Variants in TRIM38 observed in about 807,000 individuals in gnomAD.
The protein encoded by TRIM38 is tripartite motif containing 38, also known as E3 ubiquitin-protein ligase TRIM38.
TRIM38 carries 35 observed loss-of-function variants against 35.8 expected under a neutral mutation model. The ratio of observed to expected loss-of-function variants is 0.98; its 90% CI spans 0.75 to 1.30. The LOEUF is 1.30. Among genes scored for constraint, TRIM38 ranks in the 50% most tolerant of loss-of-function variants. The probability of loss-of-function intolerance (pLI) is 0.00; values close to 1 mark genes in which losing one functional copy is unlikely to be tolerated. For missense variants in TRIM38, 545 were observed against 556.9 expected, an observed-to-expected ratio of 0.98 and a Z score of 0.21; for synonymous variants, 198 against 204.7, an observed-to-expected ratio of 0.97 and a Z score of 0.28.
chr6:25,983,155 G>GTTTTT lies in TRIM38; in HGVS notation c.875-5_875-4insTTTTT. On this transcript the variant is annotated splice_polypyrimidine_tract_variant and intron_variant, in intron 7 of 7. Coordinates refer to ENST00000357085, the MANE Select transcript of TRIM38 (RefSeq NM_006355.5). ...AAATTATTTTTGTTTGTTTTGTTTT[G>GTTTTT]TTTTGCAGTTAGTGTGACTCTGGAT... 5.2e-6 allele frequency: 8 copies of GTTTTT among 1,551,938 alleles called. No individual in the cohort carries two copies. Among genetic ancestry groups the GTTTTT allele is most frequent in the Non-Finnish European group, 7.0e-6 (8 of 1,150,928 alleles).
chr6:25,980,566 A>T (rs990823978), intron 7 of TRIM38, among the ~76,000 whole-genome samples: 5 of 152,088 alleles, frequency 3.3e-5, no homozygotes, highest in African/African-American at 9.7e-5. Flanking sequence ...GATTACAGGC[A>T]TGTGCCACAA....
At chr6:25,972,194 T>C (rs944221659) in intron 5 of TRIM38, 95 bp downstream of exon 5, 39 of 1,138,622 alleles carry the variant, frequency 3.4e-5, no homozygotes, top group Non-Finnish European at 3.5e-5. Flanking sequence ...GTAATGTTTC[T>C]TTTAGATGTA....
intron 2 of TRIM38, among the ~76,000 whole-genome samples, chr6:25,964,298 T>C (rs1759950157): frequency 6.6e-6 from 1 of 152,220 alleles, no homozygotes; most frequent in South Asian, 2.1e-4. Context: ...TAAATATGTA[T>C]GTATAACGTT....
intron 7 of TRIM38, chr6:25,973,876 T>C: frequency 8.1e-6 from 8 of 985,338 alleles, no homozygotes; most frequent in Non-Finnish European, 8.4e-6. Flanking sequence ...ATTTTTTAAA[T>C]CAGTGCTGAC....
Position 25,983,949 on chromosome 6 carries a change from T to A in TRIM38, c.*262T>A, listed in dbSNP as rs1049203676. 1 of 346,970 alleles carries A rather than the reference T, an allele frequency of 2.9e-6. No individual in the cohort carries two copies. The highest frequency in any genetic ancestry group is 2.1e-5 in the African/African-American group (1 of 47,196). 21.5% of individuals were successfully genotyped at this position (346,970 alleles called of 1,614,324 possible). On this transcript the variant is annotated 3_prime_UTR_variant, in exon 8 of 8. Transcript: ENST00000357085. Reference sequence around the variant, plus strand: ...GCTGTCTCCATCCGTCTTTAATGGGTCAGGGCTTTGATTTCCAAGGGTCTT... The same window carrying A: ...GCTGTCTCCATCCGTCTTTAATGGGACAGGGCTTTGATTTCCAAGGGTCTT...
intron 7 of TRIM38, among the ~76,000 whole-genome samples, chr6:25,982,396 CTTTG>C (rs1760569571): frequency 6.6e-6 from 1 of 152,236 alleles, no homozygotes; most frequent in African/African-American, 2.4e-5. Context: ...CCACCTGCTT[CTTTG>C]TTTGATCACC....
intron 7 of TRIM38, chr6:25,975,026 T>C (rs1760348867): frequency 1.0e-6 from 1 of 979,900 alleles, no homozygotes; most frequent in Non-Finnish European, 1.2e-6. Context: ...TTTCTTTCTT[T>C]CTTTCTTTCT....
rs1039283700 is a variant in TRIM38 at position 25,991,022 on chromosome 6, C to T, written c.*7335C>T. The T allele has an allele frequency of 2.0e-5, 3 of 152,186 alleles. No homozygotes were observed. Among genetic ancestry groups the T allele is most frequent in the Non-Finnish European group, 4.4e-5 (3 of 68,064 alleles). The allele number at this position is 152,186 out of a possible 1,614,324, so 9.4% of individuals were successfully genotyped here. A position where few individuals can be genotyped will look rare whatever the true frequency, so the allele number is the denominator to read the frequency against. On this transcript the variant is annotated 3_prime_UTR_variant, in exon 8 of 8. Coordinates refer to ENST00000357085, the MANE Select transcript of TRIM38 (RefSeq NM_006355.5). Reference sequence around the variant, plus strand: ...TGTCATATTCCGGGCATCGGGTGTCCCCATCCTCACTTCAGTCCACAGGCA... The same window carrying T: ...TGTCATATTCCGGGCATCGGGTGTCTCCATCCTCACTTCAGTCCACAGGCA...
chr6:25,980,176 GCTT>G (rs1482382346), intron 7 of TRIM38, among the ~76,000 whole-genome samples: 1 of 152,060 alleles, frequency 6.6e-6, no homozygotes, highest in Non-Finnish European at 1.5e-5. Flanking sequence ...ATGAGATTGC[GCTT>G]CTTAGATTGT....
In TRIM38 at chr6:25,966,394, C is replaced by G; in HGVS notation, c.-129C>G. The G allele has an allele frequency of 1.1e-6, 1 of 941,628 alleles. No individual in the cohort carries two copies. Among genetic ancestry groups the G allele is most frequent in the South Asian group, 1.9e-5 (1 of 51,396 alleles). 58.3% of individuals were successfully genotyped at this position (941,628 alleles called of 1,614,324 possible). A position where few individuals can be genotyped will look rare whatever the true frequency, so the allele number is the denominator to read the frequency against. On this transcript the variant is annotated 5_prime_UTR_variant, in exon 3 of 8. Transcript: ENST00000357085. The stretch of plus-strand genomic sequence containing the variant: ...GGGTTGGAAGGAAAACCTTCAAGAC[C>G]TATGGAAGTCAGTTGCAGCCAGCTC...
chr6:25,963,494 C>G (rs1032628694), intron 2 of TRIM38, among the ~76,000 whole-genome samples: 8 of 152,044 alleles, frequency 5.3e-5, no homozygotes, highest in Non-Finnish European at 7.4e-5. Context: ...CTGGCCTCCC[C>G]CATCTTCTTT....
intron 4 of TRIM38, 60 bp downstream of exon 4, chr6:25,969,480 G>T: frequency 7.4e-7 from 1 of 1,357,018 alleles, no homozygotes; most frequent in South Asian, 1.4e-5. Context: ...AGGCATAGGG[G>T]ATGATTGAGG....
intron 7 of TRIM38, among the ~76,000 whole-genome samples, chr6:25,976,436 T>C (rs551135005): frequency 6.6e-6 from 1 of 152,258 alleles, no homozygotes; most frequent in African/African-American, 2.4e-5. Context: ...TCTGGCTAAT[T>C]TTTTAAAAAT....
At chr6:25,965,013 A>T (rs1759976829) in intron 2 of TRIM38, among the ~76,000 whole-genome samples, 1 of 152,082 alleles carries the variant, frequency 6.6e-6, no homozygotes, top group African/African-American at 2.4e-5. Flanking sequence ...AGGTTTTGCC[A>T]TGTTGGTCAG....
intron 7 of TRIM38, 24 bp from the exon 8 acceptor site, chr6:25,983,140 T>TGTTTG: frequency 2.0e-6 from 3 of 1,533,680 alleles, no homozygotes; most frequent in Non-Finnish European, 2.6e-6. Context: ...AAATTATTTT[T>TGTTTG]GTTTGTTTTG....
intron 4 of TRIM38, among the ~76,000 whole-genome samples, chr6:25,970,817 CAT>C (rs1760207603): frequency 1.3e-5 from 2 of 152,038 alleles, no homozygotes; most frequent in Admixed American, 6.6e-5. Context: ...AATCCAAGAA[CAT>C]AGATTCAAAT....
Position 25,986,818 on chromosome 6 carries a change from A to G in TRIM38, c.*3131A>G, listed in dbSNP as rs1760722069. ...CAGCCACCCCTCAATTACCCCTGGG[A>G]TCCAAGAGAGCCACTAAAGTTCCAG... On this transcript the variant is annotated 3_prime_UTR_variant, in exon 8 of 8. Transcript: ENST00000357085. 6.6e-6 allele frequency: 1 copy of G among 151,914 alleles called. No homozygotes were observed. Among genetic ancestry groups the G allele is most frequent in the East Asian group, 1.9e-4 (1 of 5,188 alleles). The allele number at this position is 151,914 out of a possible 1,614,324, so 9.4% of individuals were successfully genotyped here.
Position 25,969,375 on chromosome 6 carries a change from T to C in TRIM38, c.462T>C (p.Cys154=). ...VTKLKQLEDR[C]TEQKLSTAMR... is the part of the protein sequence containing the mutation. ...AACTGAAGCAACTTGAAGACAGATG[T>C]ACGGAGCAGAAGCTGTCCACAGCAA... The change falls in exon 4 of 8, where the codon TGT becomes TGC. Residue 154 remains cysteine, a synonymous_variant. Transcript: ENST00000357085. 6.2e-7 allele frequency: 1 copy of C among 1,613,094 alleles called. No homozygotes were observed. Among genetic ancestry groups the C allele is most frequent in the Non-Finnish European group, 8.5e-7 (1 of 1,179,548 alleles).
Position 25,973,291 on chromosome 6 carries a change from T to A in TRIM38, c.874+6T>A. The A allele has an allele frequency of 1.2e-6, 2 of 1,612,734 alleles. No homozygotes were observed. The highest frequency in any genetic ancestry group is 8.5e-7 in the Non-Finnish European group (1 of 1,179,702). On this transcript the variant is annotated splice_donor_region_variant and intron_variant, in intron 7 of 7. Transcript: ENST00000357085. ...AATGTTAAGGAGTCATCAAGGTATGTTCACTAAAGAATTCCTGAATACTGT... is the reference window on the plus strand; with the variant it reads ...AATGTTAAGGAGTCATCAAGGTATGATCACTAAAGAATTCCTGAATACTGT...
Sources: gnomAD v4.1 joint callset for allele counts (sites outside exome capture counted in the v4.1 genomes callset) on GRCh38, gnomAD v4.1.1 for gene constraint, MANE v1.5 for transcripts, NCBI Gene and HGNC (gene_info 2026-07-23, HGNC 2026-07-21) for gene names.